The following C11orf65 variants were observed in gnomAD, a reference collection of about 807,000 sequenced individuals.
The protein encoded by C11orf65 is chromosome 11 open reading frame 65.
In C11orf65, 38 loss-of-function variants were observed where a neutral mutation model predicts 35.3. The observed-to-expected ratio is 1.08, with a 90% confidence interval of 0.83 to 1.41. The LOEUF is 1.41. Among genes scored for constraint, C11orf65 ranks in the 40% most tolerant of loss-of-function variants. The pLI is 0.00. For synonymous variants in C11orf65, 105 were observed against 114.4 expected (o/e 0.92, Z 0.53); for missense variants, 370 against 367.1 (o/e 1.01, Z -0.06).
intron 6 of C11orf65, among the ~76,000 whole-genome samples, chr11:108,311,341 C>T (rs936303368): frequency 1.3e-5 from 2 of 152,022 alleles, no homozygotes; most frequent in Admixed American, 6.6e-5. Context: ...GGAAGTGGAT[C>T]GGTAGGAAGC....
At chr11:108,372,145 A>C (rs1188833395) in intron 2 of C11orf65, among the ~76,000 whole-genome samples, 4 of 152,158 alleles carry the variant, frequency 2.6e-5, no homozygotes, top group African/African-American at 9.7e-5. Context: ...ATTTAATATA[A>C]ACTTATAACT....
rs567035071 is a variant in C11orf65 at position 108,358,094 on chromosome 11, G to A, written c.227-22802C>T. The stretch of plus-strand genomic sequence containing the variant: ...ACTAGAATAACCAATACAGAGAAGT[G>A]CTTAAAGGAGCTGATGGAGCTGAAA... On this transcript the variant is annotated intron_variant, in intron 2 of 3. Coordinates refer to the C11orf65 transcript ENST00000524755. 5.1e-3 allele frequency among the ~76,000 whole-genome samples: 767 copies of A among 150,576 alleles called. 5 individuals carry two copies. Among genetic ancestry groups the A allele is most frequent in the African/African-American group, 0.017 (689 of 40,834 alleles).
chr11:108,421,763 T>A (rs965289705), intron 3 of C11orf65, among the ~76,000 whole-genome samples: 1 of 152,214 alleles, frequency 6.6e-6, no homozygotes, highest in Non-Finnish European at 1.5e-5. Flanking sequence ...ATAGGGGCCT[T>A]TGTTTCCACA....
At position 108,357,309 on chromosome 11, in the gene C11orf65, C is replaced by T. The variant is rs530831263; in HGVS notation, c.227-22017G>A. Among the ~76,000 whole-genome samples, 14 of 152,294 alleles carry T rather than the reference C, an allele frequency of 9.2e-5. 1 individual carries two copies. The South Asian group carries it at 1.7e-3, about 18-fold the overall frequency. On this transcript the variant is annotated intron_variant, in intron 2 of 3. Coordinates refer to the C11orf65 transcript ENST00000524755. The stretch of plus-strand genomic sequence containing the variant: ...GGAGGGTCCTACGCCCACGGAGTCT[C>T]GCTGATTGCTAGCACAGCAGTCTGA...
chr11:108,343,146 C>A (rs2136933532), intron 2 of C11orf65: 2 of 1,569,114 alleles, frequency 1.3e-6, no homozygotes, highest in Non-Finnish European at 1.8e-6. Context: ...TTTGCACTGA[C>A]TCTGATAGCT....
At chr11:108,401,500 G>A (rs769177691) in intron 6 of C11orf65, among the ~76,000 whole-genome samples, 3 of 152,160 alleles carry the variant, frequency 2.0e-5, no homozygotes, top group Admixed American at 6.6e-5. Flanking sequence ...CTGTGCAGCT[G>A]CAAGGTCACT....
At chr11:108,421,308 T>A (rs945110851) in intron 3 of C11orf65, among the ~76,000 whole-genome samples, 9 of 151,894 alleles carry the variant, frequency 5.9e-5, no homozygotes, top group African/African-American at 1.5e-4. Flanking sequence ...TGGAGAGGTG[T>A]GAAATAAAGG....
Position 108,367,028 on chromosome 11 carries a change from C to T in C11orf65, c.226+26180G>A, listed in dbSNP as rs112426029. 3.0e-4 allele frequency: 56 copies of T among 189,442 alleles called. No individual in the cohort carries two copies. The highest frequency in any genetic ancestry group is 1.8e-3 in the Middle Eastern group (1 of 544). The allele number at this position is 189,442 out of a possible 1,614,324, so 11.7% of individuals were successfully genotyped here. A position where few individuals can be genotyped will look rare whatever the true frequency, so the allele number is the denominator to read the frequency against. On this transcript the variant is annotated intron_variant, in intron 2 of 3. Transcript: ENST00000524755. ...TCTGAGACAGAGTCTTGCTCTGTCACCCAGGCTGGAGTGCAGTGGCATGAT... is the reference window on the plus strand; with the variant it reads ...TCTGAGACAGAGTCTTGCTCTGTCATCCAGGCTGGAGTGCAGTGGCATGAT...
chr11:108,353,680 C>T (rs2089478206), intron 2 of C11orf65: 2 of 1,103,230 alleles, frequency 1.8e-6, no homozygotes, highest in East Asian at 4.7e-5. Flanking sequence ...CATGTGGTTT[C>T]TTGCCTTTGT....
downstream of C11orf65, among the ~76,000 whole-genome samples, chr11:108,379,363 A>AT (rs2091812570): frequency 6.6e-6 from 1 of 151,936 alleles, no homozygotes; most frequent in African/African-American, 2.4e-5. Context: ...CATTCTCAGT[A>AT]AACTATCGCA....
rs545349424 is a variant in C11orf65 at position 108,393,950 on chromosome 11, C to A, written c.561-572G>T. On this transcript the variant is annotated intron_variant, in intron 6 of 8. Coordinates refer to ENST00000393084, the MANE Select transcript of C11orf65 (RefSeq NM_152587.5). ...ATAATCACAGAACTTGGGAGGCCAA[C>A]ATGGGTGGATCACGAAGTCAGGAGT... 5.9e-5 allele frequency among the ~76,000 whole-genome samples: 9 copies of A among 152,184 alleles called. No homozygotes were observed. In the South Asian group the frequency reaches 6.2e-4, roughly 11 times the overall value.
chr11:108,447,416 G>C (rs1467268113), intron 2 of C11orf65, among the ~76,000 whole-genome samples: 1 of 151,984 alleles, frequency 6.6e-6, no homozygotes, highest in Non-Finnish European at 1.5e-5. Flanking sequence ...TAAAAGAACA[G>C]AAATTATAAA....
intron 2 of C11orf65, among the ~76,000 whole-genome samples, chr11:108,345,307 T>C (rs561332822): frequency 6.6e-6 from 1 of 152,328 alleles, no homozygotes; most frequent in East Asian, 1.9e-4. Flanking sequence ...TAGTATTTTA[T>C]GGCAAGAAGA....
chr11:108,453,066 G>C (rs570479017), intron 2 of C11orf65, among the ~76,000 whole-genome samples: 2 of 150,140 alleles, frequency 1.3e-5, no homozygotes, highest in Non-Finnish European at 3.0e-5. Context: ...GAGTTAATGC[G>C]TGCAGCACAC....
chr11:108,434,378 G>A (rs542613219), intron 2 of C11orf65, among the ~76,000 whole-genome samples: 23 of 152,094 alleles, frequency 1.5e-4, no homozygotes, highest in Non-Finnish European at 2.9e-4. Flanking sequence ...GGTGGTGTGT[G>A]CCTGTAATCC....
At position 108,332,037 on chromosome 11, in the gene C11orf65, G is replaced by A. The variant is rs587780639; in HGVS notation, c.300-470C>T. On this transcript the variant is annotated intron_variant, in intron 3 of 3. Coordinates refer to the C11orf65 transcript ENST00000524755. Reference sequence around the variant, plus strand: ...CTAAACAAAGCTCTCAGCTTGATGAGGTATTTGGATTAAACATACGTACCT... The same window carrying A: ...CTAAACAAAGCTCTCAGCTTGATGAAGTATTTGGATTAAACATACGTACCT... 3 of 1,613,484 alleles carry A rather than the reference G, an allele frequency of 1.9e-6. No homozygotes were observed. Among genetic ancestry groups the A allele is most frequent in the Non-Finnish European group, 8.5e-7 (1 of 1,179,700 alleles).
At chr11:108,458,764 T>G (rs559174427) in intron 2 of C11orf65, among the ~76,000 whole-genome samples, 1 of 152,142 alleles carries the variant, frequency 6.6e-6, no homozygotes, top group Non-Finnish European at 1.5e-5. Flanking sequence ...TTTAAAAAAG[T>G]AGGGAAGGGC....
intron 3 of C11orf65, among the ~76,000 whole-genome samples, chr11:108,332,599 G>C (rs1363975655): frequency 6.6e-6 from 1 of 152,106 alleles, no homozygotes; most frequent in Non-Finnish European, 1.5e-5. Context: ...ATGTATCTTT[G>C]ATGTATTTCA....
At chr11:108,331,658 AC>A in intron 3 of C11orf65, 1 of 1,414,502 alleles carries the variant, frequency 7.1e-7, no homozygotes, top group Non-Finnish European at 9.4e-7. Flanking sequence ...AAATGGAAAT[AC>A]AAAATTTTGT....
Sources: gnomAD v4.1 joint callset for allele counts (sites outside exome capture counted in the v4.1 genomes callset) on GRCh38, gnomAD v4.1.1 for gene constraint, MANE v1.5 for transcripts, NCBI Gene and HGNC (gene_info 2026-07-23, HGNC 2026-07-21) for gene names.